Variants in CCDC60 observed in about 807,000 individuals in gnomAD.
The protein encoded by CCDC60 is coiled-coil domain containing 60, also known as coiled-coil domain-containing protein 60.
In CCDC60, 54 loss-of-function variants were observed where a neutral mutation model predicts 63.5. The ratio of observed to expected loss-of-function variants is 0.85; its 90% CI spans 0.68 to 1.07. The LOEUF is 1.07. Among genes scored for constraint, CCDC60 ranks in the 50% least tolerant of loss-of-function variants. CCDC60 has a pLI of 0.00. For missense variants in CCDC60, 651 were observed against 684.3 expected (o/e 0.95, Z 0.54); for synonymous variants, 206 against 238.8 (o/e 0.86, Z 1.27).
chr12:119,459,079 A>G (rs942891214), intron 2 of CCDC60, among the ~76,000 whole-genome samples: 6 of 152,170 alleles, frequency 3.9e-5, no homozygotes, highest in Non-Finnish European at 7.3e-5. Flanking sequence ...AACTTCTGAG[A>G]TTAACTGATT....
chr12:119,479,494 C>A, intron 4 of CCDC60: 1 of 338,550 alleles, frequency 3.0e-6, no homozygotes, highest in Non-Finnish European at 5.6e-6. Context: ...CAGCCCTCAT[C>A]GAGTGTGTGC....
intron 2 of CCDC60, among the ~76,000 whole-genome samples, chr12:119,442,008 TAATAC>T (rs1049400482): frequency 8.5e-5 from 13 of 152,242 alleles, no homozygotes; most frequent in African/African-American, 3.1e-4. Flanking sequence ...AACGCACAAA[TAATAC>T]AATCTAGAAA....
At position 119,500,733 on chromosome 12, in the gene CCDC60, A is replaced by G. The variant is rs540328096; in HGVS notation, c.648+565A>G. 3.3e-5 allele frequency among the ~76,000 whole-genome samples: 5 copies of G among 152,286 alleles called. No individual in the cohort carries two copies. The East Asian group carries it at 9.7e-4, about 29-fold the overall frequency. ...GCTGGGCATAGTGGTGTGCACCTGTAGTCCCAGGTATTAGGGAGGCTGAAG... is the reference window on the plus strand; with the variant it reads ...GCTGGGCATAGTGGTGTGCACCTGTGGTCCCAGGTATTAGGGAGGCTGAAG... On this transcript the variant is annotated intron_variant, in intron 6 of 13. Coordinates refer to ENST00000327554, the MANE Select transcript of CCDC60 (RefSeq NM_178499.5).
intron 4 of CCDC60, among the ~76,000 whole-genome samples, chr12:119,485,551 G>A (rs763123476): frequency 1.1e-4 from 17 of 152,136 alleles, no homozygotes; most frequent in Non-Finnish European, 2.1e-4. Flanking sequence ...TTGGAGGATC[G>A]CTCTCTCCCT....
intron 1 of CCDC60, among the ~76,000 whole-genome samples, chr12:119,382,895 C>G (rs1956022667): frequency 6.6e-6 from 1 of 152,174 alleles, no homozygotes; most frequent in Non-Finnish European, 1.5e-5. Flanking sequence ...TTACTTCTCT[C>G]CTTTGCTCCC....
At chr12:119,342,861 T>G (rs1955546510) in intron 1 of CCDC60, among the ~76,000 whole-genome samples, 1 of 152,232 alleles carries the variant, frequency 6.6e-6, no homozygotes, top group South Asian at 2.1e-4. Context: ...GACCCCCATC[T>G]GTTTCACTGT....
intron 1 of CCDC60, among the ~76,000 whole-genome samples, chr12:119,363,423 C>CTGTGTGTGTGTG (rs5801335): frequency 2.7e-5 from 4 of 150,554 alleles, no homozygotes; most frequent in Admixed American, 1.3e-4. Context: ...TATGAGTCCT[C>CTGTGTGTGTGTG]TGTGTGTGTG....
At chr12:119,393,213 G>A (rs1273378275) in intron 1 of CCDC60, among the ~76,000 whole-genome samples, 3 of 151,984 alleles carry the variant, frequency 2.0e-5, no homozygotes, top group Non-Finnish European at 4.4e-5. Context: ...TACATTTTAC[G>A]GCTCATTAAA....
In CCDC60 at chr12:119,392,596, T is replaced by C. The variant is rs1302445633; in HGVS notation, c.91-36087T>C. 2.0e-5 allele frequency among the ~76,000 whole-genome samples: 3 copies of C among 152,324 alleles called. No individual in the cohort carries two copies. The Middle Eastern group carries it at 0.01, about 518-fold the overall frequency. On this transcript the variant is annotated intron_variant, in intron 1 of 13. Transcript: ENST00000327554. ...CTCAATAAAATGACTGTTATGATCA[T>C]GGTTATCCCCAATACCAAACACCAC...
At chr12:119,468,123 A>T (rs1950987637) in intron 2 of CCDC60, among the ~76,000 whole-genome samples, 2 of 151,944 alleles carry the variant, frequency 1.3e-5, no homozygotes, top group Non-Finnish European at 2.9e-5. Context: ...AAATAAAAAT[A>T]AAATAAATAA....
rs1952755561 is a variant in CCDC60 at position 119,528,604 on chromosome 12, C to T, written c.1230-11C>T. 2 of 1,608,816 alleles carry T rather than the reference C, an allele frequency of 1.2e-6. No homozygotes were observed. The highest frequency in any genetic ancestry group is 2.2e-5 in the South Asian group (2 of 90,140). On this transcript the variant is annotated splice_polypyrimidine_tract_variant and intron_variant, in intron 11 of 13. Coordinates refer to ENST00000327554, the MANE Select transcript of CCDC60 (RefSeq NM_178499.5). The stretch of plus-strand genomic sequence containing the variant: ...CTCATTCTTCTCTCTCTTTCTCATA[C>T]AACCTTGTAGGCGCCAAGAAGAGAG...
chr12:119,457,282 T>C (rs916053598), intron 2 of CCDC60, among the ~76,000 whole-genome samples: 1 of 152,192 alleles, frequency 6.6e-6, no homozygotes, highest in African/African-American at 2.4e-5. Flanking sequence ...TCTGAGCCCT[T>C]ATAAAAGTTC....
chr12:119,470,566 A>C (rs1207460550), intron 2 of CCDC60, among the ~76,000 whole-genome samples: 1 of 152,148 alleles, frequency 6.6e-6, no homozygotes, highest in African/African-American at 2.4e-5. Flanking sequence ...CCTTCATAAC[A>C]CCTTAGCTCG....
At chr12:119,419,382 G>A (rs1309558798) in intron 1 of CCDC60, among the ~76,000 whole-genome samples, 2 of 152,206 alleles carry the variant, frequency 1.3e-5, no homozygotes, top group Non-Finnish European at 2.9e-5. Context: ...GGCAGGACAT[G>A]TATGTAGGTG....
chr12:119,508,152 C>G (rs1952105271), intron 7 of CCDC60, among the ~76,000 whole-genome samples: 1 of 148,798 alleles, frequency 6.7e-6, no homozygotes, highest in Non-Finnish European at 1.5e-5. Flanking sequence ...GCCTGGGCAA[C>G]AGAGTGAGAC....
At chr12:119,438,409 A>G (rs1266905256) in intron 2 of CCDC60, among the ~76,000 whole-genome samples, 1 of 152,220 alleles carries the variant, frequency 6.6e-6, no homozygotes, top group African/African-American at 2.4e-5. Flanking sequence ...ATGACAAGCA[A>G]TGTGCTCAGT....
At chr12:119,363,487 A>T (rs1055378768) in intron 1 of CCDC60, among the ~76,000 whole-genome samples, 15 of 152,112 alleles carry the variant, frequency 9.9e-5, no homozygotes, top group African/African-American at 3.1e-4. Flanking sequence ...GGTGCCTTCC[A>T]TAAGCAGAAA....
At chr12:119,407,024 G>T (rs1428152985) in intron 1 of CCDC60, among the ~76,000 whole-genome samples, 1 of 152,156 alleles carries the variant, frequency 6.6e-6, no homozygotes, top group Non-Finnish European at 1.5e-5. Flanking sequence ...GTCATGAGAG[G>T]TGCCAGAACA....
chr12:119,409,609 G>C (rs1956556811), intron 1 of CCDC60, among the ~76,000 whole-genome samples: 1 of 152,164 alleles, frequency 6.6e-6, no homozygotes, highest in African/African-American at 2.4e-5. Flanking sequence ...TAAATGATTT[G>C]AGATTTTGCA....
Sources: gnomAD v4.1 joint callset for allele counts (sites outside exome capture counted in the v4.1 genomes callset) on GRCh38, gnomAD v4.1.1 for gene constraint, MANE v1.5 for transcripts, NCBI Gene and HGNC (gene_info 2026-07-23, HGNC 2026-07-21) for gene names.